The following CRB2 variants were observed in gnomAD, a reference collection of about 807,000 sequenced individuals.
CRB2 encodes protein crumbs homolog 2.
A neutral mutation model predicts 110.9 loss-of-function variants in CRB2; 85 were observed. The ratio of observed to expected loss-of-function variants is 0.77; its 90% CI spans 0.64 to 0.92. The LOEUF (loss-of-function observed/expected upper bound fraction) is 0.92, where lower values mean the gene tolerates loss of function less well. Ranked by LOEUF, CRB2 falls within the 40% of genes least tolerant of loss-of-function variation. CRB2 has a pLI of 0.00. For missense variants in CRB2, 1,843 were observed against 1,851.3 expected (o/e 1.00, Z 0.08); for synonymous variants, 907 against 831.0 (o/e 1.09, Z -1.57).
chr9:123,375,180 G>T (rs762423928), intron 11 of CRB2, 37 bp from the exon 12 acceptor site: 1 of 1,610,616 alleles, frequency 6.2e-7, no homozygotes, highest in East Asian at 2.2e-5. Context: ...AGGCAGCCAT[G>T]GGGGAAGCCG....
Position 123,370,515 on chromosome 9 carries a change from T to C in CRB2, c.1462T>C (p.Leu488=), listed in dbSNP as rs769364516. Reference sequence around the variant, plus strand: ...CACCAAGGAAAGCTTGGAGCTGGCATTGGTGGCAGCCACACTTCAGGCCAC... The same window carrying C: ...CACCAAGGAAAGCTTGGAGCTGGCACTGGTGGCAGCCACACTTCAGGCCAC... ...NDTKESLELA[L]VAATLQATLW... Residue 488 remains leucine, a synonymous_variant, in exon 7 of 13, where the codon TTG becomes CTG. Coordinates refer to ENST00000373631, the MANE Select transcript of CRB2 (RefSeq NM_173689.7). 3.7e-6 allele frequency: 6 copies of C among 1,613,456 alleles called. No homozygotes were observed. In the East Asian group the frequency reaches 1.1e-4, roughly 30 times the overall value.
At chr9:123,372,715 G>A (rs1305291609) in intron 9 of CRB2, among the ~76,000 whole-genome samples, 6 of 152,218 alleles carry the variant, frequency 3.9e-5, no homozygotes, top group Admixed American at 3.9e-4. Context: ...AGGACAGTGG[G>A]GAGCCTCTGG....
chr9:123,360,685 C>T (rs1331959359), intron 1 of CRB2, among the ~76,000 whole-genome samples: 39 of 152,292 alleles, frequency 2.6e-4, no homozygotes, highest in African/African-American at 1.4e-4. Flanking sequence ...CCCGTGATTC[C>T]GGGAAGCTTG....
intron 1 of CRB2, among the ~76,000 whole-genome samples, chr9:123,358,852 C>T (rs1030316799): frequency 3.3e-5 from 5 of 150,802 alleles, no homozygotes; most frequent in Non-Finnish European, 1.5e-5. Flanking sequence ...ATGCAGTGAG[C>T]GGTTCCCCAC....
At chr9:123,375,450 T>C in intron 12 of CRB2, 107 bp downstream of exon 12, 2 of 1,318,158 alleles carry the variant, frequency 1.5e-6, no homozygotes, top group Non-Finnish European at 1.0e-6. Context: ...TGGGCCACTC[T>C]GTCATGGGGT....
chr9:123,371,689 C>G, intron 8 of CRB2, 111 bp downstream of exon 8: 1 of 1,479,936 alleles, frequency 6.8e-7, no homozygotes, highest in South Asian at 1.2e-5. Flanking sequence ...AACTGAGGCT[C>G]AGGAGGTGAA....
rs149331725 is a variant in CRB2 at position 123,362,926 on chromosome 9, G to C, written c.156G>C (p.Glu52Asp). 1.9e-6 allele frequency: 3 copies of C among 1,602,188 alleles called. No individual in the cohort carries two copies. The highest frequency in any genetic ancestry group is 2.7e-5 in the African/African-American group (2 of 74,730). ...CAGACCCGTGCGCTCCAGGGACCGA[G>C]TGCCAGGCTACCGAGAGTGGTGGCT... ...CASDPCAPGT[E>D]CQATESGGYT... The change falls in exon 2 of 13, where the codon GAG (glutamate) becomes GAC (aspartate). Residue 52 changes from glutamate (E) to aspartate (D), a missense_variant. Transcript: ENST00000373631.
At chr9:123,360,105 A>T (rs2041850416) in intron 1 of CRB2, among the ~76,000 whole-genome samples, 1 of 152,212 alleles carries the variant, frequency 6.6e-6, no homozygotes, top group Non-Finnish European at 1.5e-5. Flanking sequence ...ACCTGGGCAA[A>T]ATTATCAACC....
intron 4 of CRB2, 120 bp downstream of exon 4, chr9:123,366,486 A>T: frequency 2.4e-6 from 3 of 1,250,822 alleles, no homozygotes; most frequent in Non-Finnish European, 3.2e-6. Context: ...TCGGGACCAG[A>T]GTGTGTGTGT....
chr9:123,372,286 C>T lies in CRB2; in HGVS notation c.2546C>T (p.Pro849Leu). The T allele has an allele frequency of 1.9e-6, 3 of 1,612,722 alleles. No individual in the cohort carries two copies. The highest frequency in any genetic ancestry group is 2.5e-6 in the Non-Finnish European group (3 of 1,179,318). ...GPTCAQQLWC[P>L]GQPCLPPATC... is the part of the protein sequence containing the mutation. ...ACGTGTGCCCAGCAGCTGTGGTGTCCCGGCCAGCCCTGTCTCCCACCTGCC... is the reference window on the plus strand; with the variant it reads ...ACGTGTGCCCAGCAGCTGTGGTGTCTCGGCCAGCCCTGTCTCCCACCTGCC... The change falls in exon 9 of 13, where the codon CCC becomes CTC. Residue 849 changes from proline (P) to leucine (L), a missense_variant. By Grantham distance (98) the Pro-to-Leu change is moderately conservative. Transcript: ENST00000373631.
rs2041885113 is a variant in CRB2, at chr9:123,362,951, T to C, written c.181T>C (p.Tyr61His). 1 of 1,610,310 alleles carries C rather than the reference T, an allele frequency of 6.2e-7. No individual in the cohort carries two copies. The highest frequency in any genetic ancestry group is 1.1e-5 in the South Asian group (1 of 91,012). ...TECQATESGGYTCGPMEPRGC... is the reference protein window; with the variant it reads ...TECQATESGGHTCGPMEPRGC... ...GTGCCAGGCTACCGAGAGTGGTGGC[T>C]ATACCTGTGGGCCCATGGAGCCCCG... is the stretch of plus-strand genomic sequence containing the variant. Residue 61 changes from tyrosine (Y) to histidine (H), a missense_variant, in exon 2 of 13, where the codon TAT becomes CAT. Physicochemically the swap from Tyr to His is moderately conservative, Grantham distance 83. Coordinates refer to ENST00000373631, the MANE Select transcript of CRB2 (RefSeq NM_173689.7).
At chr9:123,362,726 G>T in intron 1 of CRB2, 139 bp from the exon 2 acceptor site, 1 of 770,766 alleles carries the variant, frequency 1.3e-6, no homozygotes, top group Admixed American at 2.7e-5. Flanking sequence ...CTGGCTTGCA[G>T]ACCCCTGGCC....
Position 123,373,356 on chromosome 9 carries a change from C to T in CRB2, c.2825C>T (p.Ala942Val), listed in dbSNP as rs2042046308. Residue 942 changes from alanine to valine, a missense_variant, in exon 10 of 13, where the codon GCT (alanine) becomes GTT (valine). By Grantham distance (64) the Ala-to-Val change is moderately conservative (BLOSUM62 0). Coordinates refer to ENST00000373631, the MANE Select transcript of CRB2 (RefSeq NM_173689.7). ...CGCGGAGGCCATGGCCTGCCCGGCG[C>T]TGTGCTGCCCATACCGGGGCCGCGC... The part of the protein sequence containing the change: ...GVRGGHGLPG[A>V]VLPIPGPRVA... The T allele has an allele frequency of 4.2e-6, 6 of 1,431,090 alleles. No individual in the cohort carries two copies. The African/African-American group carries it at 6.0e-5, about 14-fold the overall frequency. 88.6% of individuals were successfully genotyped at this position (1,431,090 alleles called of 1,614,324 possible). A position where few individuals can be genotyped will look rare whatever the true frequency, so the allele number is the denominator to read the frequency against.
chr9:123,368,756 C>A, intron 6 of CRB2: 2 of 1,135,344 alleles, frequency 1.8e-6, no homozygotes, highest in South Asian at 3.4e-5. Flanking sequence ...CCATGCTGGG[C>A]ATGGGGGAGG....
intron 12 of CRB2, among the ~76,000 whole-genome samples, chr9:123,376,606 C>G (rs1274349831): frequency 1.3e-5 from 2 of 152,178 alleles, no homozygotes; most frequent in East Asian, 3.9e-4. Flanking sequence ...CTCTGTCCTT[C>G]TAGCCAGAAC....
rs1439519962 is a variant in CRB2 at position 123,378,746 on chromosome 9, G to A, written c.*1684G>A. 1 of 148,212 alleles carries A rather than the reference G, an allele frequency of 6.7e-6. No individual in the cohort carries two copies. Among genetic ancestry groups the A allele is most frequent in the Non-Finnish European group, 1.5e-5 (1 of 67,162 alleles). The allele number at this position is 148,212 out of a possible 1,614,324, so 9.2% of individuals were successfully genotyped here. A position where few individuals can be genotyped will look rare whatever the true frequency, so the allele number is the denominator to read the frequency against. ...TTTATGTGGAACCTAACATGCAGAT[G>A]AAAGCTGGCTGTCCCCTGTCCTCTT... On this transcript the variant is annotated 3_prime_UTR_variant, in exon 13 of 13. Coordinates refer to ENST00000373631, the MANE Select transcript of CRB2 (RefSeq NM_173689.7).
chr9:123,376,984 A>G lies in CRB2; in HGVS notation c.3780A>G (p.Pro1260=), dbSNP rs781681016. ...KRRQSEGTYS[P]SQQEVAGARL... is the part of the protein sequence containing the mutation. ...GCCAGTCTGAGGGCACCTACAGCCCAAGCCAGCAGGAGGTGGCTGGGGCCC... is the reference window on the plus strand; with the variant it reads ...GCCAGTCTGAGGGCACCTACAGCCCGAGCCAGCAGGAGGTGGCTGGGGCCC... The change falls in exon 13 of 13, where the codon CCA becomes CCG. Residue 1260 remains proline, a synonymous_variant. Transcript: ENST00000373631. The G allele has an allele frequency of 5.6e-6, 9 of 1,609,000 alleles. No individual in the cohort carries two copies. The Admixed American group carries it at 1.2e-4, about 21-fold the overall frequency.
At chr9:123,363,235 A>G (rs2041890121) in intron 2 of CRB2, 47 bp downstream of exon 2, 9 of 1,534,352 alleles carry the variant, frequency 5.9e-6, no homozygotes, top group South Asian at 1.2e-5. Context: ...TGCAGATCGC[A>G]TCAGCTGCTC....
In CRB2 at chr9:123,371,533, G is replaced by T. The variant is rs1045574010; in HGVS notation, c.2391G>T (p.Gln797His). 5.0e-6 allele frequency: 8 copies of T among 1,613,074 alleles called. No homozygotes were observed. The highest frequency in any genetic ancestry group is 3.3e-5 in the Admixed American group (2 of 60,008). Residue 797 changes from glutamine to histidine, a missense_variant, in exon 8 of 13, where the codon CAG becomes CAT. Transcript: ENST00000373631. Reference protein sequence around the residue: ...SSQPSELGGRQSWNLTAGCVS... With the variant: ...SSQPSELGGRHSWNLTAGCVS... ...AGCCCAGCGAGCTCGGCGGCAGGCA[G>T]TCCTGGAACCTCACTGCGGGCTGCG...
Sources: gnomAD v4.1 joint callset for allele counts (sites outside exome capture counted in the v4.1 genomes callset) on GRCh38, gnomAD v4.1.1 for gene constraint, MANE v1.5 for transcripts, NCBI Gene and HGNC (gene_info 2026-07-23, HGNC 2026-07-21) for gene names.